Variants in CRYM observed in about 807,000 individuals in gnomAD.
CRYM encodes crystallin mu.
A neutral mutation model predicts 32.9 loss-of-function variants in CRYM; 18 were observed. The observed-to-expected ratio is 0.55, with a 90% CI of 0.38 to 0.81. CRYM has a LOEUF of 0.81. Ranked by LOEUF, CRYM falls within the 30% of genes least tolerant of loss-of-function variation. The pLI is 0.00. For missense variants in CRYM, 337 were observed against 393.5 expected, an observed-to-expected ratio of 0.86 and a Z score of 1.21; for synonymous variants, 153 against 152.4, an observed-to-expected ratio of 1.00 and a Z score of -0.03.
At chr16:21,290,470 C>T (rs1198569677) in intron 1 of CRYM, among the ~76,000 whole-genome samples, 1 of 152,182 alleles carries the variant, frequency 6.6e-6, no homozygotes, top group Admixed American at 6.5e-5. Flanking sequence ...TCTGGACACA[C>T]CATCTTTAAG....
chr16:21,285,835 A>C (rs2093406319), intron 1 of CRYM, among the ~76,000 whole-genome samples: 1 of 152,236 alleles, frequency 6.6e-6, no homozygotes, highest in Non-Finnish European at 1.5e-5. Context: ...CAAAAGAAAA[A>C]AGGTTTATTA....
intron 5 of CRYM, among the ~76,000 whole-genome samples, chr16:21,264,956 A>T (rs2093361155): frequency 6.6e-6 from 1 of 152,094 alleles, no homozygotes; most frequent in South Asian, 2.1e-4. Flanking sequence ...GATGTTGCCC[A>T]ATTTCTTTTT....
At chr16:21,297,173 A>G (rs934895377) in intron 1 of CRYM, among the ~76,000 whole-genome samples, 1 of 151,798 alleles carries the variant, frequency 6.6e-6, no homozygotes, top group Non-Finnish European at 1.5e-5. Context: ...GCAGGTGATC[A>G]CCTGAGGTCA....
intron 1 of CRYM, among the ~76,000 whole-genome samples, chr16:21,294,866 T>C (rs1007973487): frequency 6.6e-6 from 1 of 151,828 alleles, no homozygotes; most frequent in African/African-American, 2.4e-5. Flanking sequence ...AGCTAATTTT[T>C]TTGTATTTTT....
intron 5 of CRYM, among the ~76,000 whole-genome samples, chr16:21,262,906 C>A (rs1310831897): frequency 6.6e-6 from 1 of 152,212 alleles, no homozygotes; most frequent in Non-Finnish European, 1.5e-5. Flanking sequence ...GGCGCTCACA[C>A]CTCTTCTGCT....
chr16:21,274,765 C>T (rs1477084695), intron 3 of CRYM, among the ~76,000 whole-genome samples: 1 of 152,062 alleles, frequency 6.6e-6, no homozygotes, highest in African/African-American at 2.4e-5. Flanking sequence ...ACCACCACGA[C>T]CAGCTAATTT....
chr16:21,269,656 G>T, intron 4 of CRYM, 134 bp downstream of exon 4: 1 of 650,604 alleles, frequency 1.5e-6, no homozygotes, highest in Admixed American at 2.5e-5. Context: ...GGGAAGTCAT[G>T]AAGATACAAG....
At chr16:21,286,695 T>G (rs1238222332) in intron 1 of CRYM, among the ~76,000 whole-genome samples, 1 of 152,144 alleles carries the variant, frequency 6.6e-6, no homozygotes, top group Non-Finnish European at 1.5e-5. Flanking sequence ...TCAAAGAAAG[T>G]CAAGCACCAT....
chr16:21,271,107 T>C (rs912302117), intron 3 of CRYM, among the ~76,000 whole-genome samples: 12 of 152,226 alleles, frequency 7.9e-5, no homozygotes, highest in African/African-American at 2.9e-4. Flanking sequence ...ACATTTGGGC[T>C]GGACAATTCT....
intron 5 of CRYM, among the ~76,000 whole-genome samples, chr16:21,262,638 C>T (rs141270326): frequency 6.6e-6 from 1 of 151,666 alleles, no homozygotes; most frequent in Non-Finnish European, 1.5e-5. Flanking sequence ...AACAAACAAA[C>T]AAAAAAAACT....
At chr16:21,272,728 T>C (rs2629091) in intron 3 of CRYM, among the ~76,000 whole-genome samples, 46,999 of 149,468 alleles carry the variant, frequency 0.31, 8,823 homozygotes, top group African/African-American at 0.52. Context: ...TGGCTCACTG[T>C]AACCTCCGCC....
chr16:21,281,197 T>C (rs993556683), upstream of CRYM, among the ~76,000 whole-genome samples: 4 of 151,552 alleles, frequency 2.6e-5, no homozygotes, highest in Non-Finnish European at 4.4e-5. Context: ...TGTATCTATA[T>C]AGATATGTAT....
chr16:21,267,568 C>T lies in CRYM; in HGVS notation c.659G>A (p.Gly220Glu), dbSNP rs1383024019. The T allele has an allele frequency of 6.2e-7, 1 of 1,613,808 alleles. No homozygotes were observed. The highest frequency in any genetic ancestry group is 1.1e-5 in the South Asian group (1 of 91,048). ...PILFGEWVKP[G>E]AHINAVGASR... ...ACTCTACTTACCATTGATGTGAGCCCCTGGCTTCACCCATTCACCAAACAA... is the reference window on the plus strand; with the variant it reads ...ACTCTACTTACCATTGATGTGAGCCTCTGGCTTCACCCATTCACCAAACAA... Residue 220 changes from glycine to glutamate, a missense_variant, in exon 5 of 8, where the codon GGG becomes GAG. Transcript: ENST00000572914.
intron 6 of CRYM, chr16:21,261,594 C>A: frequency 3.6e-6 from 2 of 558,454 alleles, no homozygotes; most frequent in Admixed American, 3.1e-5. Context: ...GCTGTCCTGC[C>A]AAGATCATTG....
intron 1 of CRYM, among the ~76,000 whole-genome samples, chr16:21,288,825 C>T (rs528228551): frequency 7.9e-5 from 12 of 151,960 alleles, no homozygotes; most frequent in African/African-American, 2.4e-4. Flanking sequence ...TTCTAATTTC[C>T]CTTATGATTT....
intron 5 of CRYM, among the ~76,000 whole-genome samples, chr16:21,264,220 A>T (rs1197268375): frequency 6.9e-6 from 1 of 144,968 alleles, no homozygotes; most frequent in Non-Finnish European, 1.5e-5. Context: ...GGAGAGTTCT[A>T]TAGAACAAAA....
chr16:21,301,542 G>T (rs1198205733), intron 1 of CRYM, among the ~76,000 whole-genome samples: 1 of 152,186 alleles, frequency 6.6e-6, no homozygotes, highest in Non-Finnish European at 1.5e-5. Flanking sequence ...GGCAACAGGT[G>T]GGGCGCACTG....
chr16:21,269,143 CAAA>C (rs35798113), intron 4 of CRYM, among the ~76,000 whole-genome samples: 6 of 78,470 alleles, frequency 7.6e-5, no homozygotes, highest in African/African-American at 9.0e-5. Flanking sequence ...GACTCCATTT[CAAA>C]AAAAAAAAAA....
intron 1 of CRYM, among the ~76,000 whole-genome samples, chr16:21,299,752 T>G (rs1022783559): frequency 1.3e-5 from 2 of 152,228 alleles, no homozygotes; most frequent in African/African-American, 4.8e-5. Flanking sequence ...AACTATATCA[T>G]GGATACCAAA....
Sources: allele counts gnomAD v4.1 joint callset (sites outside exome capture counted in the v4.1 genomes callset), GRCh38; gene constraint gnomAD v4.1.1; transcripts MANE v1.5; gene names NCBI Gene and HGNC (gene_info 2026-07-23, HGNC 2026-07-21).